ANXA6: variants seen among roughly 807,000 people sequenced by gnomAD.
ANXA6 encodes the protein annexin A6.
ANXA6 carries 71 observed loss-of-function variants against 95.4 expected under a neutral mutation model. The observed-to-expected ratio is 0.74, with a 90% confidence interval of 0.61 to 0.91. The LOEUF (loss-of-function observed/expected upper bound fraction) is 0.91. Ranked by LOEUF, ANXA6 falls within the 40% of genes least tolerant of loss-of-function variation. ANXA6 has a pLI of 0.00. For synonymous variants in ANXA6, 289 were observed against 315.9 expected (o/e 0.91, Z 0.90); for missense variants, 830 against 876.4 (o/e 0.95, Z 0.67).
chr5:151,111,803 A>G (rs976782464), intron 20 of ANXA6, among the ~76,000 whole-genome samples: 3 of 151,218 alleles, frequency 2.0e-5, no homozygotes, highest in Admixed American at 2.0e-4. Flanking sequence ...TGTCCAGTCT[A>G]GCCTCAAGCA....
chr5:151,113,053 G>A, intron 20 of ANXA6, among the ~76,000 whole-genome samples: 1 of 152,210 alleles, frequency 6.6e-6, no homozygotes, highest in East Asian at 1.9e-4. Flanking sequence ...GAGGTGGCTG[G>A]TGGTGACAGC....
intron 1 of ANXA6, among the ~76,000 whole-genome samples, chr5:151,148,191 C>G (rs1766018233): frequency 6.6e-6 from 1 of 152,104 alleles, no homozygotes; most frequent in Admixed American, 6.6e-5. Context: ...CCACTGACCC[C>G]TTGACTCCTC....
In ANXA6 at chr5:151,103,630, C is replaced by T; in HGVS notation, c.1902G>A (p.Leu634=). The part of the protein sequence containing the change: ...RIMVSRSEID[L]LNIRREFIEK... ...CAATGAATTCCCTCCGGATGTTGAG[C>T]AGGTCAATCTCACTGCGGGATACCA... The change falls in exon 25 of 26, where the codon CTG becomes CTA. Residue 634 remains leucine (L), a synonymous_variant. Transcript: ENST00000354546. The T allele has an allele frequency of 6.2e-7, 1 of 1,611,678 alleles. No homozygotes were observed. Among genetic ancestry groups the T allele is most frequent in the Non-Finnish European group, 8.5e-7 (1 of 1,178,940 alleles).
At chr5:151,140,121 C>T in intron 3 of ANXA6, 32 bp downstream of exon 3, 2 of 1,603,528 alleles carry the variant, frequency 1.2e-6, no homozygotes, top group Non-Finnish European at 1.7e-6. Flanking sequence ...TTGGGGGATA[C>T]CCCTCAAGCT....
At chr5:151,122,748 T>A (rs1268878199) in intron 16 of ANXA6, among the ~76,000 whole-genome samples, 169 bp downstream of exon 16, 1 of 152,170 alleles carries the variant, frequency 6.6e-6, no homozygotes, top group African/African-American at 2.4e-5. Context: ...TGGAAAGATA[T>A]GTCTGCCCAA....
chr5:151,140,424 A>AC lies in ANXA6; in HGVS notation c.19-182dup, dbSNP rs1467433162. 4 of 617,374 alleles carry AC rather than the reference A, an allele frequency of 6.5e-6. No homozygotes were observed. The African/African-American group carries it at 7.3e-5, about 11-fold the overall frequency. 38.2% of individuals were successfully genotyped at this position (617,374 alleles called of 1,614,324 possible). ...TGACTTTCCCATACCACCTGCTGCA[A>AC]CCCGCCCAAAGGACAGTGCCATTTC... On this transcript the variant is annotated intron_variant, in intron 2 of 25. Coordinates refer to ENST00000354546, the MANE Select transcript of ANXA6 (RefSeq NM_001155.5).
chr5:151,137,416 C>G (rs1000732128), intron 5 of ANXA6, 95 bp from the exon 6 acceptor site: 34 of 910,918 alleles, frequency 3.7e-5, no homozygotes, highest in Non-Finnish European at 5.2e-5. Context: ...TATGACACCC[C>G]AGGACTCAGG....
At chr5:151,121,002 G>A (rs550228130) in intron 17 of ANXA6, among the ~76,000 whole-genome samples, 20 of 152,296 alleles carry the variant, frequency 1.3e-4, no homozygotes, top group Middle Eastern at 6.8e-3. Flanking sequence ...TTACCTCATC[G>A]ATCTCTTCTA....
At position 151,124,325 on chromosome 5, in the gene ANXA6, C is replaced by T. The variant is rs919787746; in HGVS notation, c.1099G>A (p.Ala367Thr). The T allele has an allele frequency of 9.3e-6, 15 of 1,613,492 alleles. No homozygotes were observed. Among genetic ancestry groups the T allele is most frequent in the Middle Eastern group, 3.3e-4 (2 of 6,062 alleles). ...VRPANDFNPDADAKALRKAMK... is the reference protein window; with the variant it reads ...VRPANDFNPDTDAKALRKAMK... ...GCTTTCCGCAGCGCTTTGGCATCTG[C>T]GTCAGGGTTGAAGTCATTGGCTGGG... Residue 367 changes from alanine to threonine, a missense_variant, in exon 15 of 26, where the codon GCA becomes ACA. By Grantham distance (58) the Ala-to-Thr change is moderately conservative. Transcript: ENST00000354546.
At chr5:151,128,271 C>G in intron 12 of ANXA6, 32 bp from the exon 13 acceptor site, 2 of 1,578,382 alleles carry the variant, frequency 1.3e-6, no homozygotes. Context: ...TTACCTCTCA[C>G]CCAGCCCTGG....
chr5:151,130,588 C>T (rs1300344083), intron 11 of ANXA6, among the ~76,000 whole-genome samples: 6 of 152,236 alleles, frequency 3.9e-5, no homozygotes, highest in Non-Finnish European at 8.8e-5. Flanking sequence ...TGAATTCATG[C>T]ATACAGGCAA....
At chr5:151,140,998 C>G (rs1350411292) in intron 2 of ANXA6, among the ~76,000 whole-genome samples, 1 of 152,216 alleles carries the variant, frequency 6.6e-6, no homozygotes, top group Non-Finnish European at 1.5e-5. Context: ...ATTTCAATGC[C>G]AAGACAAGGC....
At chr5:151,108,201 T>C (rs1365768156) in intron 23 of ANXA6, among the ~76,000 whole-genome samples, 1 of 151,992 alleles carries the variant, frequency 6.6e-6, no homozygotes, top group Non-Finnish European at 1.5e-5. Context: ...CAGGACAGCG[T>C]GCCCCCTCCC....
chr5:151,115,558 A>G (rs1316408737), intron 20 of ANXA6, among the ~76,000 whole-genome samples: 2 of 152,230 alleles, frequency 1.3e-5, no homozygotes, highest in Non-Finnish European at 2.9e-5. Context: ...CATTCCCTGG[A>G]AGATCAATTC....
intron 8 of ANXA6, 137 bp downstream of exon 8, chr5:151,134,290 T>C (rs764708353): frequency 4.1e-5 from 33 of 799,110 alleles, no homozygotes; most frequent in South Asian, 3.7e-4. Flanking sequence ...AGCACCGGTA[T>C]ACATGACAGC....
At position 151,132,571 on chromosome 5, in the gene ANXA6, A is replaced by G. The variant is rs769104982; in HGVS notation, c.641T>C (p.Val214Ala). 7.4e-6 allele frequency: 12 copies of G among 1,611,902 alleles called. No individual in the cohort carries two copies. The South Asian group carries it at 1.1e-4, about 15-fold the overall frequency. The change falls in exon 10 of 26, where the codon GTG becomes GCG. Residue 214 changes from valine (V) to alanine (A), a missense_variant and splice_region_variant. Val to Ala is a moderately conservative substitution (Grantham distance 64, BLOSUM62 0). Transcript: ENST00000354546. ...TGTGGTCTTCAGATACTCATCGAAC[A>G]CTGCGTCAGACAGAGAGACAGGGAG... is the stretch of plus-strand genomic sequence containing the variant. ...GNRSKQHLRLVFDEYLKTTGK... is the reference protein window; with the variant it reads ...GNRSKQHLRLAFDEYLKTTGK...
intron 15 of ANXA6, among the ~76,000 whole-genome samples, chr5:151,124,000 T>C (rs1320544317): frequency 2.6e-5 from 4 of 152,134 alleles, no homozygotes; most frequent in African/African-American, 9.7e-5. Flanking sequence ...CAGGGCACCA[T>C]GCCAATTTTG....
intron 25 of ANXA6, 104 bp downstream of exon 25, chr5:151,103,466 C>T (rs954982575): frequency 2.9e-5 from 34 of 1,164,252 alleles, no homozygotes; most frequent in East Asian, 1.1e-4. Context: ...CTGTTCTAAG[C>T]GGTAACCCAC....
In ANXA6 at chr5:151,130,438, G is replaced by C. The variant is rs148404757; in HGVS notation, c.795+793C>G. Among the ~76,000 whole-genome samples the C allele has an allele frequency of 3.0e-3, 449 of 152,104 alleles. 1 individual carries two copies. The highest frequency in any genetic ancestry group is 0.01 in the African/African-American group (432 of 41,494). On this transcript the variant is annotated intron_variant, in intron 11 of 25. Coordinates refer to ENST00000354546, the MANE Select transcript of ANXA6 (RefSeq NM_001155.5). ...GCTAGTTCTATTTGTTATTTTTGTA[G>C]AGACAAGGGTCTTACTATGTTGCCC...
Sources: allele counts gnomAD v4.1 joint callset (sites outside exome capture counted in the v4.1 genomes callset), GRCh38; gene constraint gnomAD v4.1.1; transcripts MANE v1.5; gene names NCBI Gene and HGNC (gene_info 2026-07-23, HGNC 2026-07-21).